The following MEIKIN variants were observed in gnomAD, a reference collection of about 807,000 sequenced individuals.
MEIKIN encodes the protein meiosis-specific kinetochore protein.
At chr5:131,852,331 G>A (rs1750129422) in intron 10 of MEIKIN, among the ~76,000 whole-genome samples, 1 of 152,218 alleles carries the variant, frequency 6.6e-6, no homozygotes, top group East Asian at 1.9e-4. Flanking sequence ...ATGTAAGACA[G>A]GCCTCTTCCC....
chr5:131,852,121 C>A (rs1356519520), intron 10 of MEIKIN, among the ~76,000 whole-genome samples: 1 of 152,118 alleles, frequency 6.6e-6, no homozygotes, highest in East Asian at 1.9e-4. Flanking sequence ...TTTGGTTTGG[C>A]TGTGTCTCTA....
At chr5:131,821,158 A>C (rs1344976434) in intron 11 of MEIKIN, among the ~76,000 whole-genome samples, 1 of 152,148 alleles carries the variant, frequency 6.6e-6, no homozygotes, top group Non-Finnish European at 1.5e-5. Flanking sequence ...TTCCATTAGT[A>C]CTGCTTTTGC....
chr5:131,808,712 C>A (rs1772893495), intron 12 of MEIKIN, among the ~76,000 whole-genome samples: 1 of 152,150 alleles, frequency 6.6e-6, no homozygotes, highest in Admixed American at 6.6e-5. Context: ...TCCCACTTGG[C>A]CTTTTTGTTT....
intron 9 of MEIKIN, among the ~76,000 whole-genome samples, chr5:131,872,886 T>C (rs1318133595): frequency 6.6e-6 from 1 of 152,180 alleles, no homozygotes; most frequent in Non-Finnish European, 1.5e-5. Flanking sequence ...GCATTTCATA[T>C]CCAGCCAAAC....
intron 9 of MEIKIN, among the ~76,000 whole-genome samples, chr5:131,860,469 A>G (rs1341424475): frequency 6.7e-6 from 1 of 150,122 alleles, no homozygotes; most frequent in Non-Finnish European, 1.5e-5. Flanking sequence ...TTTTTGAGAC[A>G]GAGTCTTGCT....
chr5:131,897,304 C>T lies in MEIKIN; in HGVS notation c.703+14511G>A, dbSNP rs547396517. ...TGGGTAACCCAACCTTTCTCTCTGGCTGCCCTTAATATTTTTTCCTTCATT... is the reference window on the plus strand; with the variant it reads ...TGGGTAACCCAACCTTTCTCTCTGGTTGCCCTTAATATTTTTTCCTTCATT... On this transcript the variant is annotated intron_variant, in intron 8 of 12. Transcript: ENST00000442687. Among the ~76,000 whole-genome samples, 81 of 152,334 alleles carry T rather than the reference C, an allele frequency of 5.3e-4. 1 individual carries two copies. Among genetic ancestry groups the T allele is most frequent in the African/African-American group, 1.8e-3 (76 of 41,572 alleles).
intron 8 of MEIKIN, among the ~76,000 whole-genome samples, chr5:131,903,965 A>C (rs1402283079): frequency 4.6e-5 from 7 of 152,146 alleles, no homozygotes; most frequent in Admixed American, 4.6e-4. Flanking sequence ...CCAATTAAAA[A>C]AAAACAAAAA....
chr5:131,917,050 G>C (rs1188599674), intron 6 of MEIKIN, 125 bp from the exon 7 acceptor site: 1 of 374,590 alleles, frequency 2.7e-6, no homozygotes, highest in African/African-American at 2.1e-5. Flanking sequence ...TTTTATGTCT[G>C]CCACTTAAAT....
intron 11 of MEIKIN, among the ~76,000 whole-genome samples, chr5:131,847,892 A>C (rs1443907367): frequency 2.0e-5 from 3 of 152,136 alleles, no homozygotes; most frequent in Non-Finnish European, 4.4e-5. Flanking sequence ...AAAATTCAAC[A>C]AACTGTGAAA....
chr5:131,921,098 T>C (rs563602105), intron 6 of MEIKIN, among the ~76,000 whole-genome samples: 255 of 152,082 alleles, frequency 1.7e-3, no homozygotes, highest in Non-Finnish European at 3.2e-3. Context: ...TGAGGAAGTA[T>C]TACAAACTGC....
chr5:131,922,939 T>C lies in MEIKIN; in HGVS notation c.479-998A>G, dbSNP rs148010093. 5.1e-3 allele frequency among the ~76,000 whole-genome samples: 778 copies of C among 152,310 alleles called. 4 individuals are homozygous for C. Among genetic ancestry groups the C allele is most frequent in the African/African-American group, 0.017 (713 of 41,570 alleles). On this transcript the variant is annotated intron_variant, in intron 5 of 12. Transcript: ENST00000442687. ...AAGAGTCTTGCTCTGTCGCCCAGGC[T>C]AGAATGCAGTGGTGTGATCTTGGCT...
intron 8 of MEIKIN, among the ~76,000 whole-genome samples, chr5:131,902,636 A>C (rs1751178281): frequency 6.6e-6 from 1 of 152,128 alleles, no homozygotes; most frequent in Non-Finnish European, 1.5e-5. Context: ...CTTTATAGTA[A>C]TGCAAAAATG....
intron 6 of MEIKIN, among the ~76,000 whole-genome samples, chr5:131,917,275 A>G (rs1751428290): frequency 6.6e-6 from 1 of 152,144 alleles, no homozygotes; most frequent in Non-Finnish European, 1.5e-5. Flanking sequence ...TGGTCAAATT[A>G]CAAAACTAGG....
intron 9 of MEIKIN, among the ~76,000 whole-genome samples, chr5:131,878,031 C>T (rs1429729826): frequency 6.6e-6 from 1 of 152,162 alleles, no homozygotes; most frequent in African/African-American, 2.4e-5. Context: ...TTTCAGTTAT[C>T]AGATCAAAAA....
intron 5 of MEIKIN, among the ~76,000 whole-genome samples, chr5:131,932,749 T>C (rs1370265172): frequency 1.3e-5 from 2 of 152,196 alleles, no homozygotes; most frequent in Non-Finnish European, 2.9e-5. Context: ...AAAGAATACA[T>C]CTCCAGGCTC....
intron 5 of MEIKIN, among the ~76,000 whole-genome samples, chr5:131,929,093 T>G (rs200764183): frequency 1.3e-5 from 2 of 152,200 alleles, no homozygotes; most frequent in East Asian, 3.9e-4. Flanking sequence ...GGTTGATAAT[T>G]TTTCTTTCAG....
At chr5:131,899,578 G>C (rs6881374) in intron 8 of MEIKIN, among the ~76,000 whole-genome samples, 2,545 of 149,924 alleles carry the variant, frequency 0.017, 85 homozygotes, top group African/African-American at 0.058. Context: ...CCAGTGATCT[G>C]TTTTCTTCAA....
intron 8 of MEIKIN, among the ~76,000 whole-genome samples, chr5:131,884,474 C>G (rs539173995): frequency 2.0e-5 from 3 of 151,842 alleles, no homozygotes; most frequent in Non-Finnish European, 4.4e-5. Flanking sequence ...AGACCCAATC[C>G]TGGCAGGTTT....
At chr5:131,937,249 A>G (rs1481342710) in intron 4 of MEIKIN, among the ~76,000 whole-genome samples, 3 of 152,212 alleles carry the variant, frequency 2.0e-5, no homozygotes. Flanking sequence ...CCTTTATCCT[A>G]ACAACTGAGT....
Sources: allele counts gnomAD v4.1 joint callset (sites outside exome capture counted in the v4.1 genomes callset), GRCh38; gene constraint gnomAD v4.1.1; transcripts MANE v1.5; gene names NCBI Gene and HGNC (gene_info 2026-07-23, HGNC 2026-07-21).